Variants in DGKI observed in about 807,000 individuals in gnomAD.
DGKI encodes DAG kinase iota.
In DGKI, 55 loss-of-function variants were observed where a neutral mutation model predicts 147.5. That is an observed-to-expected ratio of 0.37 (90% confidence interval 0.30 to 0.47). The LOEUF (loss-of-function observed/expected upper bound fraction) is 0.47, where lower values mean the gene tolerates loss of function less well. DGKI is among the 20% of genes least tolerant of loss of function. DGKI has a pLI of 1.00. For synonymous variants in DGKI, 469 were observed against 477.1 expected (o/e 0.98, Z 0.22); for missense variants, 1,007 against 1,323.8 (o/e 0.76, Z 3.71).
At chr7:137,481,915 C>A (rs1273442158) in intron 23 of DGKI, among the ~76,000 whole-genome samples, 2 of 152,036 alleles carry the variant, frequency 1.3e-5, no homozygotes, top group Admixed American at 1.3e-4. Context: ...ATCCTCCAAG[C>A]ATATTTAATG....
intron 1 of DGKI, among the ~76,000 whole-genome samples, chr7:137,743,209 TAGAC>T (rs1795231299): frequency 6.6e-6 from 1 of 152,194 alleles, no homozygotes; most frequent in African/African-American, 2.4e-5. Flanking sequence ...TTGACAGTAT[TAGAC>T]AGATCACTGA....
chr7:137,523,997 T>C (rs1425943617), intron 20 of DGKI, among the ~76,000 whole-genome samples: 1 of 151,536 alleles, frequency 6.6e-6, no homozygotes, highest in East Asian at 1.9e-4. Flanking sequence ...TGTCAATGGA[T>C]AAATACCAAG....
rs755428725 is a variant in DGKI, at chr7:137,469,566, C to T, written c.2427G>A (p.Arg809=). ...RALSAQRLSP[R]WCFLDATSAD... ...AGAACTCACCATCTAGGAAGCACCA[C>T]CGAGGAGAGAGCCTCTGTGCTGAGA... is the stretch of plus-strand genomic sequence containing the variant. Residue 809 remains arginine, a synonymous_variant, in exon 24 of 33, where the codon CGG becomes CGA. Transcript: ENST00000614521. The T allele has an allele frequency of 3.7e-6, 6 of 1,614,008 alleles. No individual in the cohort carries two copies. Among genetic ancestry groups the T allele is most frequent in the Non-Finnish European group, 5.1e-6 (6 of 1,179,948 alleles).
At chr7:137,467,786 G>A (rs966026087) in intron 24 of DGKI, among the ~76,000 whole-genome samples, 1 of 152,136 alleles carries the variant, frequency 6.6e-6, no homozygotes, top group Non-Finnish European at 1.5e-5. Context: ...TCTGAGACCA[G>A]CCTGGGCAAC....
At chr7:137,418,177 T>A (rs540751142) in intron 28 of DGKI, among the ~76,000 whole-genome samples, 1 of 152,342 alleles carries the variant, frequency 6.6e-6, no homozygotes, top group African/African-American at 2.4e-5. Context: ...TCAGACCTCC[T>A]GGGTTTAAGT....
Position 137,660,428 on chromosome 7 carries a change from A to T in DGKI, c.607-3888T>A, listed in dbSNP as rs565447015. Among the ~76,000 whole-genome samples the T allele has an allele frequency of 5.3e-5, 8 of 152,340 alleles. No individual in the cohort carries two copies. In the South Asian group the frequency reaches 1.7e-3, roughly 32 times the overall value. On this transcript the variant is annotated intron_variant, in intron 3 of 32. Transcript: ENST00000614521. Reference sequence around the variant, plus strand: ...GGTTATAAGAGAAAACACATCCTACATATTTCCCATGCTGCAGGCCCTGCT... The same window carrying T: ...GGTTATAAGAGAAAACACATCCTACTTATTTCCCATGCTGCAGGCCCTGCT...
intron 1 of DGKI, among the ~76,000 whole-genome samples, chr7:137,740,714 A>C (rs1795151210): frequency 6.6e-6 from 1 of 152,218 alleles, no homozygotes; most frequent in African/African-American, 2.4e-5. Context: ...AACCAGGGAA[A>C]TATCTCTGGA....
intron 21 of DGKI, among the ~76,000 whole-genome samples, chr7:137,520,326 A>G (rs1364672344): frequency 1.3e-5 from 2 of 152,146 alleles, no homozygotes; most frequent in Non-Finnish European, 2.9e-5. Context: ...AAGAAAGAAC[A>G]TAAAACACTG....
chr7:137,615,653 A>C (rs1160424547), intron 8 of DGKI, among the ~76,000 whole-genome samples: 1 of 151,790 alleles, frequency 6.6e-6, no homozygotes, highest in Non-Finnish European at 1.5e-5. Context: ...CCAATGTCTT[A>C]AATGAATTCT....
chr7:137,721,591 C>T (rs552174446), intron 1 of DGKI, among the ~76,000 whole-genome samples: 1 of 152,304 alleles, frequency 6.6e-6, no homozygotes, highest in Non-Finnish European at 1.5e-5. Flanking sequence ...GCTTGCTTTC[C>T]AGCCCATCCT....
intron 21 of DGKI, among the ~76,000 whole-genome samples, chr7:137,513,643 G>A (rs912408721): frequency 3.9e-5 from 6 of 152,144 alleles, no homozygotes; most frequent in African/African-American, 1.4e-4. Context: ...AAACCTAGGT[G>A]GAATCACCTA....
At chr7:137,472,510 C>CT (rs1306828198) in intron 23 of DGKI, among the ~76,000 whole-genome samples, 3 of 145,262 alleles carry the variant, frequency 2.1e-5, no homozygotes, top group African/African-American at 7.6e-5. Context: ...TATATTTCCT[C>CT]TTTTTTGAAC....
rs148598592 is a variant in DGKI, at chr7:137,400,064, G to A, written c.2921-2651C>T. On this transcript the variant is annotated intron_variant, in intron 30 of 32. Transcript: ENST00000614521. ...GCAGGTCACACTACATCAAGATATG[G>A]GATCATCAGTGAAGGAATGTGGTAT... 3.4e-3 allele frequency among the ~76,000 whole-genome samples: 522 copies of A among 152,188 alleles called. 6 individuals carry two copies. Among genetic ancestry groups the A allele is most frequent in the African/African-American group, 0.011 (447 of 41,516 alleles).
rs1242297860 is a variant in DGKI at position 137,407,867 on chromosome 7, C to T, written c.2920+8G>A. On this transcript the variant is annotated splice_region_variant and intron_variant, in intron 30 of 32. Coordinates refer to ENST00000614521, the MANE Select transcript of DGKI (RefSeq NM_001321708.2). ...GTGATCCTTGGTAAGTTCACTATGC[C>T]TACTTACCGTGGTCAAGGATATATT... 4 of 1,613,774 alleles carry T rather than the reference C, an allele frequency of 2.5e-6. No homozygotes were observed. Among genetic ancestry groups the T allele is most frequent in the Non-Finnish European group, 2.5e-6 (3 of 1,179,816 alleles).
rs148779791 is a variant in DGKI at position 137,487,662 on chromosome 7, C to T, written c.2276G>A (p.Arg759His). 343 of 1,613,714 alleles carry T rather than the reference C, an allele frequency of 2.1e-4. No homozygotes were observed. The highest frequency in any genetic ancestry group is 4.9e-4 in the Middle Eastern group (3 of 6,062). ...GCAAGTCTCCAAATCACAGTCTCCA[C>T]GCACAACTAGAATACCCAGAGGTAT... ...ASIPLGILVV[R>H]GDCDLETCRM... Residue 759 changes from arginine to histidine, a missense_variant, in exon 22 of 33, where the codon CGT (arginine) becomes CAT (histidine). By Grantham distance (29) the Arg-to-His change is conservative (BLOSUM62 0). Coordinates refer to ENST00000614521, the MANE Select transcript of DGKI (RefSeq NM_001321708.2).
chr7:137,584,926 A>C (rs976219742), intron 14 of DGKI, among the ~76,000 whole-genome samples: 2 of 152,204 alleles, frequency 1.3e-5, no homozygotes, highest in African/African-American at 4.8e-5. Flanking sequence ...ATTAACATGA[A>C]TGATTAAGAC....
intron 19 of DGKI, among the ~76,000 whole-genome samples, chr7:137,561,802 A>C (rs2128971399): frequency 6.6e-6 from 1 of 152,322 alleles, no homozygotes; most frequent in East Asian, 1.9e-4. Flanking sequence ...GATGCAAATG[A>C]CAGCTGACTT....
intron 1 of DGKI, among the ~76,000 whole-genome samples, chr7:137,837,997 CTT>C (rs777963342): frequency 9.1e-5 from 10 of 109,802 alleles, no homozygotes; most frequent in Admixed American, 2.9e-4. Context: ...AAGGGAGAAA[CTT>C]TTTTTTTTTT....
intron 15 of DGKI, among the ~76,000 whole-genome samples, chr7:137,581,170 A>T (rs1293978994): frequency 6.6e-6 from 1 of 152,122 alleles, no homozygotes; most frequent in Admixed American, 6.6e-5. Flanking sequence ...ATAGCATATC[A>T]TTATTTCATC....
Sources: gnomAD v4.1 joint callset for allele counts (sites outside exome capture counted in the v4.1 genomes callset) on GRCh38, gnomAD v4.1.1 for gene constraint, MANE v1.5 for transcripts, NCBI Gene and HGNC (gene_info 2026-07-23, HGNC 2026-07-21) for gene names.